The following FAT3 variants were observed in gnomAD, a reference collection of about 807,000 sequenced individuals.
FAT3 encodes the protein protocadherin Fat 3.
Under a neutral mutation model 310.2 loss-of-function variants are expected in FAT3, and 95 were observed. That is an observed-to-expected ratio of 0.31 (90% CI 0.26 to 0.36). The LOEUF (loss-of-function observed/expected upper bound fraction) is 0.36. FAT3 is among the 10% of genes least tolerant of loss of function. The pLI is 1.00. For missense variants in FAT3, 5,408 were observed against 5,715.6 expected (o/e 0.95, Z 1.74); for synonymous variants, 2,314 against 2,192.9 (o/e 1.06, Z -1.54).
chr11:92,763,190 T>C (rs4753414), intron 5 of FAT3, among the ~76,000 whole-genome samples: 129,075 of 151,202 alleles, frequency 0.85, 55,178 homozygotes, highest in East Asian at 0.94. Flanking sequence ...CACCACTCTT[T>C]TCTTTGTCTT....
intron 19 of FAT3, among the ~76,000 whole-genome samples, chr11:92,848,746 G>C (rs925160271): frequency 6.6e-6 from 1 of 152,252 alleles, no homozygotes; most frequent in Non-Finnish European, 1.5e-5. Context: ...GAAGCCCTGC[G>C]ATGTACAGAA....
At chr11:92,753,320 C>T (rs3912651) in intron 4 of FAT3, among the ~76,000 whole-genome samples, 1,776 of 152,258 alleles carry the variant, frequency 0.012, 117 homozygotes, top group Admixed American at 0.093. Context: ...GCATGAGAGG[C>T]TCCAAATAAG....
At chr11:92,721,415 T>G (rs1565540095) in intron 4 of FAT3, among the ~76,000 whole-genome samples, 1 of 152,240 alleles carries the variant, frequency 6.6e-6, no homozygotes, top group Non-Finnish European at 1.5e-5. Context: ...TTATGGTATA[T>G]AAATTGTATC....
intron 13 of FAT3, among the ~76,000 whole-genome samples, chr11:92,819,020 A>G (rs1483530890): frequency 2.0e-5 from 3 of 152,248 alleles, no homozygotes; most frequent in Admixed American, 2.0e-4. Flanking sequence ...CACTGCGCCA[A>G]GTGCCTTAGA....
At chr11:92,324,850 C>G (rs1210623586) in intron 1 of FAT3, among the ~76,000 whole-genome samples, 1 of 152,180 alleles carries the variant, frequency 6.6e-6, no homozygotes, top group Non-Finnish European at 1.5e-5. Flanking sequence ...TATCATTAAT[C>G]TAAAGATACA....
intron 4 of FAT3, among the ~76,000 whole-genome samples, chr11:92,708,737 A>G (rs1371958695): frequency 6.6e-6 from 1 of 152,262 alleles, no homozygotes; most frequent in Non-Finnish European, 1.5e-5. Flanking sequence ...ATGAGCCTAC[A>G]GAAGTTCCTG....
chr11:92,602,558 G>A (rs905483002), intron 3 of FAT3, among the ~76,000 whole-genome samples: 3 of 152,226 alleles, frequency 2.0e-5, no homozygotes, highest in African/African-American at 7.2e-5. Context: ...ATGCTACTAA[G>A]TGTTCTATCT....
chr11:92,642,411 G>A (rs537121479), intron 3 of FAT3, among the ~76,000 whole-genome samples: 18 of 152,302 alleles, frequency 1.2e-4, no homozygotes, highest in African/African-American at 3.4e-4. Flanking sequence ...AACCTCCAGT[G>A]CAAAACTGGA....
In FAT3 at chr11:92,522,497, C is replaced by T. The variant is rs184854516; in HGVS notation, c.3293-2137C>T. 2.3e-4 allele frequency among the ~76,000 whole-genome samples: 35 copies of T among 152,228 alleles called. 2 individuals carry two copies. Among genetic ancestry groups the T allele is most frequent in the Admixed American group, 9.8e-4 (15 of 15,282 alleles). The stretch of plus-strand genomic sequence containing the variant: ...AAAAACAGAGTAGCTTCTGGGTTGA[C>T]GGTTCAGGGCCCAGCTGGCATGGCA... On this transcript the variant is annotated intron_variant, in intron 2 of 27. Coordinates refer to ENST00000525166, the MANE Select transcript of FAT3 (RefSeq NM_001367949.2).
rs1948361093 is a variant in FAT3 at position 92,834,907 on chromosome 11, A to T, written c.9909A>T (p.Leu3303Phe). The change falls in exon 15 of 28, where the codon TTA becomes TTT. Residue 3303 changes from leucine (L) to phenylalanine (F), a missense_variant. Around this residue, in one of 5 missense-constraint regions of FAT3, gnomAD observed 4,588 missense variants for 4,809.8 expected, o/e 0.95. Coordinates refer to ENST00000525166, the MANE Select transcript of FAT3 (RefSeq NM_001367949.2). ...TCTCTGAAGTCCTGGACTATGAATT[A>T]TGCAAAAGGTTTTACCTGGTAGTGG... is the stretch of plus-strand genomic sequence containing the variant. ...ISVSEVLDYE[L>F]CKRFYLVVEA... 1 of 1,612,664 alleles carries T rather than the reference A, an allele frequency of 6.2e-7. No homozygotes were observed. The highest frequency in any genetic ancestry group is 1.7e-5 in the Admixed American group (1 of 59,868).
intron 2 of FAT3, among the ~76,000 whole-genome samples, chr11:92,389,647 A>G (rs2134804829): frequency 6.6e-6 from 1 of 152,266 alleles, no homozygotes; most frequent in East Asian, 1.9e-4. Context: ...GATGTGGCTT[A>G]TTTTTGGTGA....
intron 2 of FAT3, among the ~76,000 whole-genome samples, chr11:92,520,466 C>T (rs183444068): frequency 1.3e-5 from 2 of 151,998 alleles, no homozygotes; most frequent in Admixed American, 1.3e-4. Context: ...TAGACATGGA[C>T]AGGTTATTGT....
intron 1 of FAT3, among the ~76,000 whole-genome samples, chr11:92,228,397 A>G (rs1239860132): frequency 6.6e-6 from 1 of 152,224 alleles, no homozygotes; most frequent in African/African-American, 2.4e-5. Context: ...ATGAGTAGCA[A>G]TAAACAGTGG....
intron 2 of FAT3, among the ~76,000 whole-genome samples, chr11:92,501,591 G>C (rs1246593879): frequency 6.6e-6 from 1 of 151,946 alleles, no homozygotes; most frequent in Non-Finnish European, 1.5e-5. Flanking sequence ...TGGGAAGTGC[G>C]TGTGTGTGGG....
intron 3 of FAT3, among the ~76,000 whole-genome samples, chr11:92,608,602 G>A (rs1940415536): frequency 1.3e-5 from 2 of 151,878 alleles, no homozygotes; most frequent in Non-Finnish European, 1.5e-5. Flanking sequence ...TTTAGAATGG[G>A]CTACCTGATT....
Position 92,890,834 on chromosome 11 carries a change from C to T in FAT3, c.13491C>T (p.His4497=), listed in dbSNP as rs2136447237. The T allele has an allele frequency of 6.2e-7, 1 of 1,613,430 alleles. No individual in the cohort carries two copies. Among genetic ancestry groups the T allele is most frequent in the Non-Finnish European group, 8.5e-7 (1 of 1,179,760 alleles). ...ATCCTAGCCAGTATCTCCCTCCTCA[C>T]CCATTCCCCAACGAAACGGATTTGG... ...QFHPSQYLPP[H]PFPNETDLVG... is the part of the protein sequence containing the mutation. The change falls in exon 28 of 28, where the codon CAC becomes CAT. Residue 4497 remains histidine (H), a synonymous_variant. Transcript: ENST00000525166.
chr11:92,231,600 G>A (rs1227985425), intron 1 of FAT3, among the ~76,000 whole-genome samples: 1 of 152,106 alleles, frequency 6.6e-6, no homozygotes. Context: ...GAAAAAAATT[G>A]TAGCCTTTTC....
rs373778501 is a variant in FAT3, at chr11:92,491,381, A to C, written c.3293-33253A>C. Among the ~76,000 whole-genome samples, 43 of 152,142 alleles carry C rather than the reference A, an allele frequency of 2.8e-4. No homozygotes were observed. The South Asian group carries it at 8.7e-3, about 31-fold the overall frequency. On this transcript the variant is annotated intron_variant, in intron 2 of 27. Transcript: ENST00000525166. ...AATACACAGGAGAGCCCTACCTTTC[A>C]CACAAAGAATTGTAAGTCCCAACAT...
intron 4 of FAT3, among the ~76,000 whole-genome samples, chr11:92,752,498 A>G (rs1194231706): frequency 6.6e-6 from 1 of 152,242 alleles, no homozygotes; most frequent in Non-Finnish European, 1.5e-5. Flanking sequence ...TACTTGATGC[A>G]TAGCAAGCTT....
Sources: allele counts gnomAD v4.1 joint callset (sites outside exome capture counted in the v4.1 genomes callset), GRCh38; gene constraint gnomAD v4.1.1; regional missense constraint gnomAD v4.1.1; transcripts MANE v1.5; gene names NCBI Gene and HGNC (gene_info 2026-07-23, HGNC 2026-07-21).